SEPTIN11: variants seen among roughly 807,000 people sequenced by gnomAD.
SEPTIN11 encodes the protein septin-11.
In SEPTIN11, 25 loss-of-function variants were observed where a neutral mutation model predicts 51.4. The observed-to-expected ratio is 0.49, with a 90% CI of 0.35 to 0.68. SEPTIN11 has a LOEUF of 0.68. Among genes scored for constraint, SEPTIN11 ranks in the 30% least tolerant of loss-of-function variants. The pLI is 0.00. For missense variants in SEPTIN11, 381 were observed against 520.8 expected (o/e 0.73, Z 2.61); for synonymous variants, 174 against 184.1 (o/e 0.95, Z 0.44).
intron 4 of SEPTIN11, among the ~76,000 whole-genome samples, chr4:77,013,036 G>T (rs1724988420): frequency 6.6e-6 from 1 of 152,208 alleles, no homozygotes; most frequent in African/African-American, 2.4e-5. Flanking sequence ...TGTGTCCTTG[G>T]AAGCAGGGGC....
At chr4:76,989,530 G>A (rs1170691814) in intron 1 of SEPTIN11, among the ~76,000 whole-genome samples, 1 of 152,174 alleles carries the variant, frequency 6.6e-6, no homozygotes, top group Non-Finnish European at 1.5e-5. Flanking sequence ...GTAAAGAAAA[G>A]GGATATCACT....
intron 3 of SEPTIN11, among the ~76,000 whole-genome samples, chr4:77,007,160 G>A (rs1724538440): frequency 6.6e-6 from 1 of 152,204 alleles, no homozygotes; most frequent in Admixed American, 6.5e-5. Flanking sequence ...GCCAAGAGCA[G>A]TAAATGAAGA....
rs762747394 is a variant in SEPTIN11, at chr4:77,014,862, A to G, written c.532A>G (p.Ile178Val). Reference protein sequence around the residue: ...TMKKLDSKVNIIPIIAKADTI... With the variant: ...TMKKLDSKVNVIPIIAKADTI... ...GGACGTGTCTGTTTTACAGGTGAAC[A>G]TCATTCCAATAATTGCAAAAGCTGA... Residue 178 changes from isoleucine to valine, a missense_variant, in exon 5 of 10, where the codon ATC becomes GTC. By Grantham distance (29) the Ile-to-Val change is conservative (BLOSUM62 3). Transcript: ENST00000264893. The G allele has an allele frequency of 1.9e-6, 3 of 1,613,894 alleles. No homozygotes were observed. The highest frequency in any genetic ancestry group is 1.3e-5 in the African/African-American group (1 of 74,942).
In SEPTIN11 at chr4:77,020,630, A is replaced by G. The variant is rs1193932862; in HGVS notation, c.913A>G (p.Met305Val). The G allele has an allele frequency of 6.2e-7, 1 of 1,614,044 alleles. No homozygotes were observed. Residue 305 changes from methionine (M) to valine (V), a missense_variant, in exon 7 of 10, where the codon ATG (methionine) becomes GTG (valine). This residue lies in a region of SEPTIN11 where 197 missense variants were observed against 313.1 expected (regional missense o/e 0.63). Coordinates refer to ENST00000264893, the MANE Select transcript of SEPTIN11 (RefSeq NM_018243.4). Reference protein sequence around the residue: ...ELYRRCKLEEMGFKDTDPDSK... With the variant: ...ELYRRCKLEEVGFKDTDPDSK... ...GTACCGACGCTGTAAGCTTGAAGAG[A>G]TGGGGTTCAAGGACACTGACCCTGA...
intron 1 of SEPTIN11, among the ~76,000 whole-genome samples, chr4:76,958,706 G>GGTT (rs1553966783): frequency 2.0e-5 from 3 of 151,994 alleles, no homozygotes; most frequent in Non-Finnish European, 2.9e-5. Context: ...TGTAAGACGC[G>GGTT]GTTTTTGTTG....
chr4:77,021,723 A>G (rs961659040), intron 7 of SEPTIN11: 1 of 152,336 alleles, frequency 6.6e-6, no homozygotes, highest in Admixed American at 6.5e-5. Flanking sequence ...GATGTCTACA[A>G]GCTGGCTGAC....
At chr4:76,986,195 A>C (rs1459700449) in intron 1 of SEPTIN11, among the ~76,000 whole-genome samples, 1 of 152,090 alleles carries the variant, frequency 6.6e-6, no homozygotes, top group African/African-American at 2.4e-5. Flanking sequence ...AGATTTTATC[A>C]GATGCATGCT....
chr4:76,974,602 A>C, intron 1 of SEPTIN11: 1 of 385,132 alleles, frequency 2.6e-6, no homozygotes, highest in Non-Finnish European at 5.1e-6. Flanking sequence ...AAGGCGTTCT[A>C]GATAGGTCAT....
At chr4:77,027,578 G>T (rs1578204716) in intron 7 of SEPTIN11, among the ~76,000 whole-genome samples, 1 of 152,340 alleles carries the variant, frequency 6.6e-6, no homozygotes, top group South Asian at 2.1e-4. Flanking sequence ...TCTGCATGGT[G>T]CCAGGGATCG....
intron 4 of SEPTIN11, among the ~76,000 whole-genome samples, chr4:77,013,928 G>A (rs891408440): frequency 6.6e-6 from 1 of 152,146 alleles, no homozygotes; most frequent in African/African-American, 2.4e-5. Flanking sequence ...TGTTTACAGG[G>A]ATTAGGGGAA....
At position 76,984,707 on chromosome 4, in the gene SEPTIN11, G is replaced by T. The variant is rs1722934090; in HGVS notation, c.28-11718G>T. On this transcript the variant is annotated intron_variant, in intron 1 of 9. Transcript: ENST00000264893. This position sits in a 1 kb window ranked among gnomAD's most constrained non-coding sequence, Gnocchi z 4.1. ...TTTTGAAGATATTCCATAGGATAAA[G>T]ACAGGGCAGGAGGGACAAAAATGAC... Among the ~76,000 whole-genome samples the T allele has an allele frequency of 1.3e-5, 2 of 152,260 alleles. No individual in the cohort carries two copies. The highest frequency in any genetic ancestry group is 1.3e-4 in the Admixed American group (2 of 15,298).
chr4:76,973,629 C>T (rs1262493916), intron 1 of SEPTIN11, among the ~76,000 whole-genome samples: 1 of 152,196 alleles, frequency 6.6e-6, no homozygotes, highest in Non-Finnish European at 1.5e-5. Context: ...GCAAACAGCA[C>T]AGAAACCAAA....
At chr4:77,016,633 C>CACATATATATATATATACACACATAT in intron 5 of SEPTIN11, among the ~76,000 whole-genome samples, 1 of 72,748 alleles carries the variant, frequency 1.4e-5, no homozygotes, top group South Asian at 4.3e-4. Flanking sequence ...TATATATACA[C>CACATATATATATATATACACACATAT]ATATATATAT....
At chr4:76,997,799 AGCAATTTGTTG>A (rs1194063659) in intron 2 of SEPTIN11, among the ~76,000 whole-genome samples, 1 of 152,176 alleles carries the variant, frequency 6.6e-6, no homozygotes, top group African/African-American at 2.4e-5. Context: ...TCATTAGCAT[AGCAATTTGTTG>A]GCAATTTGTT....
chr4:77,006,526 C>T (rs1425403706), intron 3 of SEPTIN11, among the ~76,000 whole-genome samples: 2 of 152,122 alleles, frequency 1.3e-5, no homozygotes, highest in Non-Finnish European at 1.5e-5. Flanking sequence ...CATTCATTCT[C>T]AAAAGAAGTT....
At chr4:76,959,040 G>A (rs6833311) in intron 1 of SEPTIN11, 295,444 of 730,820 alleles carry the variant, frequency 0.4, 60,892 homozygotes, top group Middle Eastern at 0.46. Flanking sequence ...TTTTCAGAGA[G>A]GGAATGAAAG....
In SEPTIN11 at chr4:77,019,182, A is replaced by T; in HGVS notation, c.705A>T (p.Ala235=). Reference sequence around the variant, plus strand: ...CTTGGCAGGTCCATCTCCCATTTGCAGTGGTTGGCAGCACCGAAGAGGTGA... The same window carrying T: ...CTTGGCAGGTCCATCTCCCATTTGCTGTGGTTGGCAGCACCGAAGAGGTGA... ...NATMSVHLPF[A]VVGSTEEVKI... Residue 235 remains alanine (A), a synonymous_variant, in exon 6 of 10, where the codon GCA becomes GCT. Transcript: ENST00000264893. 1 of 1,613,338 alleles carries T rather than the reference A, an allele frequency of 6.2e-7. No individual in the cohort carries two copies. The highest frequency in any genetic ancestry group is 8.5e-7 in the Non-Finnish European group (1 of 1,179,702).
chr4:77,005,398 G>C (rs1218232454), intron 2 of SEPTIN11, among the ~76,000 whole-genome samples: 1 of 152,204 alleles, frequency 6.6e-6, no homozygotes, highest in African/African-American at 2.4e-5. Context: ...CTGCTAAATA[G>C]TTTCTGAAAT....
chr4:76,953,074 T>G (rs1721412166), intron 1 of SEPTIN11, among the ~76,000 whole-genome samples: 1 of 152,234 alleles, frequency 6.6e-6, no homozygotes, highest in African/African-American at 2.4e-5. Context: ...ACAAAAAATA[T>G]GTGTTTAAAC....
Sources: allele counts gnomAD v4.1 joint callset (sites outside exome capture counted in the v4.1 genomes callset), GRCh38; gene constraint gnomAD v4.1.1; regional missense constraint gnomAD v4.1.1; non-coding constraint Gnocchi (gnomAD v3.1); transcripts MANE v1.5; gene names NCBI Gene and HGNC (gene_info 2026-07-23, HGNC 2026-07-21).